CACNA2D3: variants seen among roughly 807,000 people sequenced by gnomAD.
CACNA2D3 encodes the protein calcium voltage-gated channel auxiliary subunit alpha2delta 3, also known as voltage-dependent calcium channel subunit alpha-2/delta-3.
CACNA2D3 carries 60 observed loss-of-function variants against 160.6 expected under a neutral mutation model. The observed-to-expected ratio is 0.37, with a 90% CI of 0.30 to 0.46. The LOEUF (loss-of-function observed/expected upper bound fraction) is 0.46, where lower values mean the gene tolerates loss of function less well. Ranked by LOEUF, CACNA2D3 falls within the 20% of genes least tolerant of loss-of-function variation. The pLI, the probability that CACNA2D3 is intolerant of heterozygous loss-of-function variation, is 1.00. For synonymous variants in CACNA2D3, 558 were observed against 492.9 expected, an observed-to-expected ratio of 1.13 and a Z score of -1.75; for missense variants, 1,205 against 1,365.0, an observed-to-expected ratio of 0.88 and a Z score of 1.85.
At chr3:54,613,951 C>T (rs934440686) in intron 9 of CACNA2D3, among the ~76,000 whole-genome samples, 15 of 152,164 alleles carry the variant, frequency 9.9e-5, no homozygotes, top group Admixed American at 2.6e-4. Context: ...TGAGCCTCTC[C>T]CTGATGGTAC....
At chr3:55,011,474 A>T (rs921547296) in intron 34 of CACNA2D3, among the ~76,000 whole-genome samples, 1 of 152,226 alleles carries the variant, frequency 6.6e-6, no homozygotes, top group African/African-American at 2.4e-5. Context: ...GTAACTCTTT[A>T]AATGTCTAAC....
chr3:54,791,493 A>G (rs1370304167), intron 13 of CACNA2D3, among the ~76,000 whole-genome samples: 1 of 152,214 alleles, frequency 6.6e-6, no homozygotes, highest in Non-Finnish European at 1.5e-5. Flanking sequence ...TAAAAAGAAA[A>G]ATTAATTATT....
chr3:54,908,506 A>G (rs1700492477), intron 27 of CACNA2D3, among the ~76,000 whole-genome samples: 1 of 152,166 alleles, frequency 6.6e-6, no homozygotes, highest in Non-Finnish European at 1.5e-5. Context: ...GCTTGAACCT[A>G]GGAGTTCAAG....
At chr3:55,049,655 C>A (rs1017300847) in intron 35 of CACNA2D3, among the ~76,000 whole-genome samples, 18 of 147,180 alleles carry the variant, frequency 1.2e-4, no homozygotes, top group Non-Finnish European at 3.0e-5. Context: ...TCCTGGGTAT[C>A]CTTGTTGACT....
At chr3:54,195,460 A>G (rs1701061263) in intron 2 of CACNA2D3, among the ~76,000 whole-genome samples, 1 of 152,248 alleles carries the variant, frequency 6.6e-6, no homozygotes, top group South Asian at 2.1e-4. Flanking sequence ...GCATCATGTT[A>G]TGTAATATTT....
intron 3 of CACNA2D3, among the ~76,000 whole-genome samples, chr3:54,347,145 A>G (rs1017169198): frequency 6.6e-6 from 1 of 152,198 alleles, no homozygotes; most frequent in Non-Finnish European, 1.5e-5. Context: ...TGCATATTTT[A>G]TACGCAAGGG....
chr3:54,798,750 C>T (rs1409989456), intron 13 of CACNA2D3, among the ~76,000 whole-genome samples: 1 of 152,180 alleles, frequency 6.6e-6, no homozygotes, highest in Non-Finnish European at 1.5e-5. Flanking sequence ...TATACCAACC[C>T]ACTAGCGAGC....
chr3:54,610,472 C>T (rs553135525), intron 9 of CACNA2D3, among the ~76,000 whole-genome samples: 46 of 151,720 alleles, frequency 3.0e-4, no homozygotes, highest in Middle Eastern at 3.4e-3. Flanking sequence ...CAATGCCCTA[C>T]CCACCTCAAG....
chr3:54,132,153 T>G (rs1468290769), intron 2 of CACNA2D3, among the ~76,000 whole-genome samples: 1 of 152,206 alleles, frequency 6.6e-6, no homozygotes. Context: ...GGGCATAGGC[T>G]TTTGCCCCAC....
intron 5 of CACNA2D3, among the ~76,000 whole-genome samples, chr3:54,521,735 T>G (rs1701649332): frequency 6.6e-6 from 1 of 152,118 alleles, no homozygotes; most frequent in Non-Finnish European, 1.5e-5. Flanking sequence ...TCTATTTGAG[T>G]TTTTGTGTGA....
At chr3:54,421,530 G>C (rs1204513144) in intron 4 of CACNA2D3, among the ~76,000 whole-genome samples, 3 of 152,140 alleles carry the variant, frequency 2.0e-5, no homozygotes, top group Non-Finnish European at 4.4e-5. Flanking sequence ...GGGGTCCCTT[G>C]GGAGTGTCTG....
chr3:54,962,343 A>T (rs1365931465), intron 27 of CACNA2D3, among the ~76,000 whole-genome samples: 2 of 152,188 alleles, frequency 1.3e-5, no homozygotes, highest in Non-Finnish European at 2.9e-5. Context: ...CACTCTAAGG[A>T]ACATTCCTAG....
At chr3:54,676,200 C>T (rs1190398093) in intron 11 of CACNA2D3, among the ~76,000 whole-genome samples, 1 of 152,208 alleles carries the variant, frequency 6.6e-6, no homozygotes, top group Non-Finnish European at 1.5e-5. Flanking sequence ...CTCAATAAAT[C>T]TTAGCCCCTT....
chr3:54,224,085 AC>A (rs1701624291), intron 2 of CACNA2D3, among the ~76,000 whole-genome samples: 1 of 152,014 alleles, frequency 6.6e-6, no homozygotes, highest in Admixed American at 6.6e-5. Flanking sequence ...AAAAACTAAG[AC>A]ACAAGCACAC....
At chr3:54,803,658 C>T (rs1177710435) in intron 13 of CACNA2D3, among the ~76,000 whole-genome samples, 2 of 152,154 alleles carry the variant, frequency 1.3e-5, no homozygotes, top group East Asian at 1.9e-4. Flanking sequence ...AGAACTTCCC[C>T]AATCTAGCAA....
intron 3 of CACNA2D3, among the ~76,000 whole-genome samples, chr3:54,362,518 G>T (rs970378097): frequency 6.6e-6 from 1 of 152,186 alleles, no homozygotes; most frequent in Non-Finnish European, 1.5e-5. Context: ...TCCCGGGAGG[G>T]GAGTGTGCAG....
At chr3:54,818,647 T>G (rs1484597635) in intron 14 of CACNA2D3, among the ~76,000 whole-genome samples, 1 of 152,230 alleles carries the variant, frequency 6.6e-6, no homozygotes, top group Non-Finnish European at 1.5e-5. Flanking sequence ...ATTATTGTGG[T>G]CATATAAAAG....
chr3:54,273,639 C>T (rs532336411), intron 2 of CACNA2D3, among the ~76,000 whole-genome samples: 24 of 152,280 alleles, frequency 1.6e-4, no homozygotes, highest in African/African-American at 5.8e-4. Flanking sequence ...ACAACACGGA[C>T]AGCAGGAGCA....
At chr3:54,944,126 G>T (rs904234481) in intron 27 of CACNA2D3, among the ~76,000 whole-genome samples, 6 of 152,022 alleles carry the variant, frequency 3.9e-5, no homozygotes, top group Admixed American at 3.9e-4. Context: ...CATATCCTTT[G>T]GTAGGAACAG....
Sources: allele counts gnomAD v4.1 joint callset (sites outside exome capture counted in the v4.1 genomes callset), GRCh38; gene constraint gnomAD v4.1.1; transcripts MANE v1.5; gene names NCBI Gene and HGNC (gene_info 2026-07-23, HGNC 2026-07-21).